DENND2A: variants seen among roughly 807,000 people sequenced by gnomAD.
The protein encoded by DENND2A is DENN domain-containing protein 2A.
DENND2A carries 53 observed loss-of-function variants against 105.3 expected under a neutral mutation model. The observed-to-expected ratio is 0.50, with a 90% CI of 0.40 to 0.63. DENND2A has a LOEUF of 0.63. Ranked by LOEUF, DENND2A falls within the 30% of genes least tolerant of loss-of-function variation. The probability of loss-of-function intolerance (pLI) is 0.00; values close to 1 mark genes in which losing one functional copy is unlikely to be tolerated. For missense variants in DENND2A, 1,138 were observed against 1,279.6 expected, an observed-to-expected ratio of 0.89 and a Z score of 1.69; for synonymous variants, 522 against 508.4, an observed-to-expected ratio of 1.03 and a Z score of -0.36.
At chr7:140,619,737 T>A (rs937339704) in intron 1 of DENND2A, among the ~76,000 whole-genome samples, 5 of 151,872 alleles carry the variant, frequency 3.3e-5, no homozygotes, top group African/African-American at 1.2e-4. Context: ...TGACCTCAAG[T>A]GATCTGCCTG....
chr7:140,562,084 T>G (rs994004980), intron 9 of DENND2A, among the ~76,000 whole-genome samples: 4 of 151,756 alleles, frequency 2.6e-5, no homozygotes, highest in Non-Finnish European at 5.9e-5. Context: ...GAGGCGGGGC[T>G]TCACCATGTT....
intron 1 of DENND2A, among the ~76,000 whole-genome samples, chr7:140,636,684 CTT>C (rs35563637): frequency 3.0e-3 from 291 of 98,340 alleles, no homozygotes; most frequent in African/African-American, 9.9e-3. Flanking sequence ...CCTCCCCAGC[CTT>C]TTTTTTTTTT....
At chr7:140,552,906 T>A (rs1797196648) in intron 12 of DENND2A, among the ~76,000 whole-genome samples, 1 of 151,036 alleles carries the variant, frequency 6.6e-6, no homozygotes. Context: ...GTACTATGTT[T>A]GTATAATTCA....
chr7:140,596,443 G>C (rs1288926078), intron 3 of DENND2A, among the ~76,000 whole-genome samples: 3 of 152,220 alleles, frequency 2.0e-5, no homozygotes, highest in Non-Finnish European at 2.9e-5. Context: ...CCACAGCTTG[G>C]CTGGTAAGTT....
At chr7:140,528,041 A>G (rs1017930499) in intron 14 of DENND2A, among the ~76,000 whole-genome samples, 1 of 151,888 alleles carries the variant, frequency 6.6e-6, no homozygotes, top group African/African-American at 2.4e-5. Context: ...GGGTTTCACC[A>G]TGTTGGTCAG....
intron 1 of DENND2A, among the ~76,000 whole-genome samples, chr7:140,610,166 T>C (rs1274361419): frequency 1.3e-5 from 2 of 151,974 alleles, no homozygotes; most frequent in Non-Finnish European, 2.9e-5. Flanking sequence ...AGATGGGGTT[T>C]CACTATGTCA....
At chr7:140,601,178 C>T (rs73500426) in intron 3 of DENND2A, among the ~76,000 whole-genome samples, 5,982 of 152,302 alleles carry the variant, frequency 0.039, 377 homozygotes, top group African/African-American at 0.14. Flanking sequence ...TTTAAAAGCA[C>T]ATACTCTTCT....
rs747299398 is a variant in DENND2A, at chr7:140,525,825, C to T, written c.2506-33G>A. The T allele has an allele frequency of 5.1e-6, 8 of 1,575,294 alleles. No homozygotes were observed. The Admixed American group carries it at 5.4e-5, about 11-fold the overall frequency. Reference sequence around the variant, plus strand: ...ATGAGACGAAAGGGACTGTTACTGTCACCAGGGCTTCTGGGATAGGGATGG... The same window carrying T: ...ATGAGACGAAAGGGACTGTTACTGTTACCAGGGCTTCTGGGATAGGGATGG... On this transcript the variant is annotated intron_variant, in intron 15 of 19. Coordinates refer to ENST00000496613, the MANE Select transcript of DENND2A (RefSeq NM_015689.5).
At chr7:140,521,089 T>G (rs1795843297) in intron 18 of DENND2A, among the ~76,000 whole-genome samples, 1 of 151,778 alleles carries the variant, frequency 6.6e-6, no homozygotes, top group Non-Finnish European at 1.5e-5. Flanking sequence ...TTGGCCAGGT[T>G]GATTTCCAAC....
At chr7:140,630,504 A>C (rs2130736481) in intron 1 of DENND2A, among the ~76,000 whole-genome samples, 1 of 152,254 alleles carries the variant, frequency 6.6e-6, no homozygotes, top group South Asian at 2.1e-4. Context: ...CTTCTTTGAA[A>C]GACAATTAAA....
intron 16 of DENND2A, among the ~76,000 whole-genome samples, chr7:140,524,864 GC>G (rs1795996817): frequency 6.6e-6 from 1 of 150,850 alleles, no homozygotes; most frequent in East Asian, 1.9e-4. Flanking sequence ...TTGTAAGTGT[GC>G]CCCGGCCAGG....
chr7:140,587,474 T>A (rs923030306), intron 4 of DENND2A, among the ~76,000 whole-genome samples, 179 bp downstream of exon 4: 1 of 152,102 alleles, frequency 6.6e-6, no homozygotes, highest in East Asian at 1.9e-4. Context: ...CTGTCATATA[T>A]CCCACAAGGC....
At chr7:140,534,274 G>A (rs1438545844) in intron 14 of DENND2A, among the ~76,000 whole-genome samples, 4 of 151,138 alleles carry the variant, frequency 2.6e-5, no homozygotes, top group Non-Finnish European at 4.4e-5. Flanking sequence ...TAGTAGAGAC[G>A]GGGTTTCACC....
chr7:140,570,377 C>T (rs1421051385), intron 6 of DENND2A, among the ~76,000 whole-genome samples: 5 of 152,096 alleles, frequency 3.3e-5, no homozygotes, highest in Non-Finnish European at 2.9e-5. Flanking sequence ...GATGTCACTG[C>T]GGCTTGGGAA....
At chr7:140,541,411 G>A (rs1170695288) in intron 14 of DENND2A, among the ~76,000 whole-genome samples, 2 of 152,050 alleles carry the variant, frequency 1.3e-5, no homozygotes, top group African/African-American at 4.8e-5. Context: ...GGGGGACTCT[G>A]TCCCCACCAC....
At chr7:140,593,845 G>A (rs1799165755) in intron 3 of DENND2A, among the ~76,000 whole-genome samples, 1 of 151,744 alleles carries the variant, frequency 6.6e-6, no homozygotes, top group Non-Finnish European at 1.5e-5. Context: ...CCTGCCCATT[G>A]GTGCCCACCC....
At position 140,527,486 on chromosome 7, in the gene DENND2A, G is replaced by C. The variant is rs750583752; in HGVS notation, c.2337C>G (p.Ser779=). 4 of 1,600,824 alleles carry C rather than the reference G, an allele frequency of 2.5e-6. No homozygotes were observed. The South Asian group carries it at 4.5e-5, about 18-fold the overall frequency. The stretch of plus-strand genomic sequence containing the variant: ...GCGCCACCATCGCGTGGCAGCACTT[G>C]GACAGGATGCTGCAGCCGGGGAGAG... The part of the protein sequence containing the change: ...IFIADKLSIL[S]KCCHAMVALI... Residue 779 remains serine, a synonymous_variant, in exon 15 of 20, where the codon TCC becomes TCG. Transcript: ENST00000496613. This position sits in a 1 kb window ranked among gnomAD's most constrained non-coding sequence, Gnocchi z 4.9.
chr7:140,543,196 G>A (rs1383111747), intron 14 of DENND2A, among the ~76,000 whole-genome samples: 1 of 149,554 alleles, frequency 6.7e-6, no homozygotes, highest in Non-Finnish European at 1.5e-5. Flanking sequence ...ATAGCTCACT[G>A]CAACCTTGAA....
intron 14 of DENND2A, among the ~76,000 whole-genome samples, chr7:140,540,919 T>C (rs1237243815): frequency 2.6e-5 from 4 of 152,072 alleles, no homozygotes; most frequent in Admixed American, 2.6e-4. Context: ...GATTTCACCA[T>C]GTTGGCCAGG....
Sources: gnomAD v4.1 joint callset for allele counts (sites outside exome capture counted in the v4.1 genomes callset) on GRCh38, gnomAD v4.1.1 for gene constraint, Gnocchi (gnomAD v3.1) non-coding constraint, MANE v1.5 for transcripts, NCBI Gene and HGNC (gene_info 2026-07-23, HGNC 2026-07-21) for gene names.